Variants in CARF observed in about 807,000 individuals in gnomAD.
The protein encoded by CARF is calcium responsive transcription factor, also known as calcium-responsive transcription factor.
CARF carries 57 observed loss-of-function variants against 82.0 expected under a neutral mutation model. The observed-to-expected ratio is 0.70, with a 90% confidence interval of 0.56 to 0.87. The LOEUF (loss-of-function observed/expected upper bound fraction) is 0.87. CARF is among the 40% of genes least tolerant of loss of function. The pLI, the probability that CARF is intolerant of heterozygous loss-of-function variation, is 0.00. For synonymous variants in CARF, 268 were observed against 290.1 expected, an observed-to-expected ratio of 0.92 and a Z score of 0.77; for missense variants, 771 against 855.8, an observed-to-expected ratio of 0.90 and a Z score of 1.24.
rs186101118 is a variant in CARF, at chr2:202,943,814, G to T, written c.306+847G>T. Among the ~76,000 whole-genome samples the T allele has an allele frequency of 2.8e-3, 425 of 151,352 alleles. 1 individual carries two copies. Among genetic ancestry groups the T allele is most frequent in the Middle Eastern group, 0.017 (5 of 294 alleles). On this transcript the variant is annotated intron_variant, in intron 5 of 16. Transcript: ENST00000438828. ...AGGCACCTGCCACCACACCCGGCTA[G>T]TTTTTGTATTTTTAGTAGAGACAGG...
chr2:202,942,960 CA>C lies in CARF; in HGVS notation c.300del (p.Gln101LysfsTer2). ...CTTCAGTCATTGGGGGAATCCAATG[CA>C]CAAATGGTGAGTATATTTTATAAGT... ...YELQSLGESN[A>X]QMMIVASPTE... is the part of the protein sequence containing the mutation. On this transcript the variant is annotated frameshift_variant, in exon 5 of 17. Coordinates refer to ENST00000438828, the MANE Select transcript of CARF (RefSeq NM_024744.17). LOFTEE classifies it high-confidence loss of function. 1.9e-6 allele frequency: 3 copies of C among 1,612,304 alleles called. No individual in the cohort carries two copies. Among genetic ancestry groups the C allele is most frequent in the Non-Finnish European group, 1.7e-6 (2 of 1,178,538 alleles).
intron 9 of CARF, chr2:202,961,738 AG>A (rs1290068999): frequency 4.9e-6 from 2 of 406,140 alleles, no homozygotes; most frequent in East Asian, 8.4e-5. Flanking sequence ...TATGTACATC[AG>A]CTGTGTTTTT....
chr2:202,983,339 A>C (rs931000127), intron 16 of CARF, among the ~76,000 whole-genome samples, 167 bp from the exon 17 acceptor site: 2 of 152,216 alleles, frequency 1.3e-5, no homozygotes, highest in Non-Finnish European at 2.9e-5. Context: ...ACTTCTTTGC[A>C]CATGAATTGT....
intron 8 of CARF, among the ~76,000 whole-genome samples, chr2:202,960,176 T>C (rs2059242390): frequency 6.6e-6 from 1 of 152,226 alleles, no homozygotes; most frequent in Non-Finnish European, 1.5e-5. Context: ...AAAATTATGC[T>C]AATTTCCATA....
At chr2:202,950,336 A>C (rs1196098891) in intron 5 of CARF, among the ~76,000 whole-genome samples, 2 of 152,164 alleles carry the variant, frequency 1.3e-5, no homozygotes, top group Non-Finnish European at 2.9e-5. Flanking sequence ...ATAAAAACTT[A>C]TTTGTGTTTA....
At chr2:202,916,145 A>C (rs930310970) in intron 1 of CARF, among the ~76,000 whole-genome samples, 2 of 149,840 alleles carry the variant, frequency 1.3e-5, no homozygotes, top group Non-Finnish European at 3.0e-5. Flanking sequence ...TACTTTCTAA[A>C]GTACTTTTGA....
chr2:202,983,888 C>A lies in CARF; in HGVS notation c.*264C>A. 2.7e-6 allele frequency: 1 copy of A among 364,288 alleles called. No homozygotes were observed. Among genetic ancestry groups the A allele is most frequent in the Non-Finnish European group, 4.9e-6 (1 of 204,128 alleles). The allele number at this position is 364,288 out of a possible 1,614,324, so 22.6% of individuals were successfully genotyped here. ...ATTTCAAAAGCTGTTCTGAATTTAT[C>A]CACAGTAATATAGTCTGAACACAAA... On this transcript the variant is annotated 3_prime_UTR_variant, in exon 17 of 17. Transcript: ENST00000438828.
chr2:202,977,591 TG>T (rs2060085791), intron 14 of CARF, among the ~76,000 whole-genome samples: 1 of 152,236 alleles, frequency 6.6e-6, no homozygotes, highest in Non-Finnish European at 1.5e-5. Context: ...TCACTAAGTC[TG>T]GCTAATTCCA....
chr2:202,982,579 A>G (rs1349404439), intron 16 of CARF, 138 bp downstream of exon 16: 4 of 880,504 alleles, frequency 4.5e-6, no homozygotes, highest in East Asian at 2.9e-5. Flanking sequence ...TATGAGAGAG[A>G]AGGAGGAGAT....
At chr2:202,967,194 T>C in intron 10 of CARF, 96 bp downstream of exon 10, 1 of 1,319,604 alleles carries the variant, frequency 7.6e-7, no homozygotes, top group Non-Finnish European at 1.0e-6. Flanking sequence ...TACCAAAAAG[T>C]ATACAGTGAA....
At chr2:202,934,351 C>A (rs1693524682) in intron 3 of CARF, among the ~76,000 whole-genome samples, 1 of 152,088 alleles carries the variant, frequency 6.6e-6, no homozygotes, top group African/African-American at 2.4e-5. Flanking sequence ...TATTCTGTTT[C>A]CTTAACTTGG....
In CARF at chr2:202,986,368, CT is replaced by C. The variant is rs2060426973; in HGVS notation, c.*2745del. 6.6e-6 allele frequency: 1 copy of C among 152,088 alleles called. No individual in the cohort carries two copies. The highest frequency in any genetic ancestry group is 1.5e-5 in the Non-Finnish European group (1 of 67,972). The allele number at this position is 152,088 out of a possible 1,614,324, so 9.4% of individuals were successfully genotyped here. A position where few individuals can be genotyped will look rare whatever the true frequency, so the allele number is the denominator to read the frequency against. The stretch of plus-strand genomic sequence containing the variant: ...TTTTCAGTATCTATATTGGCTTTCT[CT>C]AACAGCTCTACAGCAAAGTTTGACA... On this transcript the variant is annotated 3_prime_UTR_variant, in exon 17 of 17. Coordinates refer to ENST00000438828, the MANE Select transcript of CARF (RefSeq NM_024744.17).
chr2:202,938,175 A>T (rs1203581779), intron 3 of CARF: 1 of 152,158 alleles, frequency 6.6e-6, no homozygotes, highest in East Asian at 1.9e-4. Flanking sequence ...TGTGCTATCA[A>T]ATATGAAGTA....
At chr2:202,978,769 G>C (rs1312796651) in intron 14 of CARF, among the ~76,000 whole-genome samples, 1 of 152,160 alleles carries the variant, frequency 6.6e-6, no homozygotes, top group African/African-American at 2.4e-5. Flanking sequence ...AGGACAGAGA[G>C]GCAAGAGAGT....
intron 8 of CARF, among the ~76,000 whole-genome samples, chr2:202,958,747 A>G (rs934559334): frequency 6.6e-6 from 1 of 152,118 alleles, no homozygotes; most frequent in Non-Finnish European, 1.5e-5. Context: ...TCTACTAAAA[A>G]TACAAAAATT....
At chr2:202,948,278 A>G (rs547323395) in intron 5 of CARF, among the ~76,000 whole-genome samples, 1 of 152,286 alleles carries the variant, frequency 6.6e-6, no homozygotes, top group South Asian at 2.1e-4. Context: ...GTTTGAAGTC[A>G]GGTAACATAA....
intron 3 of CARF, among the ~76,000 whole-genome samples, chr2:202,926,171 A>G (rs1691779601): frequency 1.3e-5 from 2 of 152,184 alleles, no homozygotes; most frequent in Non-Finnish European, 1.5e-5. Flanking sequence ...GCAACTGTGC[A>G]GGGAAGCATA....
At position 202,986,897 on chromosome 2, in the gene CARF, T is replaced by TACATATATATATATATATAC; in HGVS notation, c.*3274_*3275insCATATATATATATATATACA. Reference sequence around the variant, plus strand: ...ATATATATATATATATATATATATATATATATATATAGCAACTTGATGTAT... The same window carrying TACATATATATATATATATAC: ...ATATATATATATATATATATATATATACATATATATATATATATACATATATATATAGCAACTTGATGTAT... On this transcript the variant is annotated 3_prime_UTR_variant, in exon 17 of 17. Coordinates refer to ENST00000438828, the MANE Select transcript of CARF (RefSeq NM_024744.17). 7.4e-6 allele frequency: 1 copy of TACATATATATATATATATAC among 135,942 alleles called. No homozygotes were observed. 8.4% of individuals were successfully genotyped at this position (135,942 alleles called of 1,614,324 possible).
At chr2:202,954,735 C>T (rs1201623387) in intron 7 of CARF, among the ~76,000 whole-genome samples, 10 of 141,666 alleles carry the variant, frequency 7.1e-5, no homozygotes, top group African/African-American at 2.4e-4. Context: ...AAAGACTGGG[C>T]ACAGTGGCTT....
Sources: gnomAD v4.1 joint callset for allele counts (sites outside exome capture counted in the v4.1 genomes callset) on GRCh38, gnomAD v4.1.1 for gene constraint, MANE v1.5 for transcripts, NCBI Gene and HGNC (gene_info 2026-07-23, HGNC 2026-07-21) for gene names.